FRMD3: variants seen among roughly 807,000 people sequenced by gnomAD.
The protein encoded by FRMD3 is FERM domain-containing protein 3.
In FRMD3, 33 loss-of-function variants were observed where a neutral mutation model predicts 70.2. The observed-to-expected ratio is 0.47, with a 90% CI of 0.36 to 0.63. The LOEUF is 0.63. Ranked by LOEUF, FRMD3 falls within the 20% of genes least tolerant of loss-of-function variation. FRMD3 has a pLI of 0.00. For missense variants in FRMD3, 632 were observed against 711.4 expected (o/e 0.89, Z 1.27); for synonymous variants, 279 against 255.9 (o/e 1.09, Z -0.86).
rs956141163 is a variant in FRMD3 at position 83,303,799 on chromosome 9, C to T, written c.927-4613G>A. 7.9e-5 allele frequency among the ~76,000 whole-genome samples: 12 copies of T among 152,218 alleles called. No homozygotes were observed. The East Asian group carries it at 9.7e-4, about 12-fold the overall frequency. On this transcript the variant is annotated intron_variant, in intron 10 of 13. Transcript: ENST00000304195. Reference sequence around the variant, plus strand: ...TTCATGAAGTTAAAAAAAGAAATTACGAAAATCAATCACCACTATCTAATA... The same window carrying T: ...TTCATGAAGTTAAAAAAAGAAATTATGAAAATCAATCACCACTATCTAATA...
chr9:83,386,289 A>G (rs1439062915), intron 2 of FRMD3, among the ~76,000 whole-genome samples: 1 of 152,208 alleles, frequency 6.6e-6, no homozygotes, highest in Admixed American at 6.5e-5. Context: ...CTCACATCGT[A>G]TCCTCAAAAT....
At chr9:83,539,038 G>T (rs189915503), upstream of FRMD3, among the ~76,000 whole-genome samples, 2 of 152,290 alleles carry the variant, frequency 1.3e-5, no homozygotes, top group South Asian at 2.1e-4. Flanking sequence ...AGCCTTCCAT[G>T]TGCAAATCCT....
At chr9:83,419,550 T>C (rs951844349) in intron 1 of FRMD3, among the ~76,000 whole-genome samples, 1 of 151,442 alleles carries the variant, frequency 6.6e-6, no homozygotes, top group African/African-American at 2.4e-5. Flanking sequence ...GTGTGTGATA[T>C]GTGTGTGTTC....
At chr9:83,461,599 TG>T (rs1467699596) in intron 1 of FRMD3, among the ~76,000 whole-genome samples, 6 of 149,442 alleles carry the variant, frequency 4.0e-5, no homozygotes, top group Non-Finnish European at 5.9e-5. Flanking sequence ...GAAAAGGCCT[TG>T]TGGTATTCAG....
intron 1 of FRMD3, among the ~76,000 whole-genome samples, chr9:83,521,031 C>G (rs954682552): frequency 6.8e-6 from 1 of 148,048 alleles, no homozygotes; most frequent in African/African-American, 2.5e-5. Flanking sequence ...CCCAGCTACT[C>G]AGGAGGCTGA....
chr9:83,395,291 A>C (rs370712196), intron 1 of FRMD3, among the ~76,000 whole-genome samples: 2 of 137,686 alleles, frequency 1.5e-5, no homozygotes, highest in African/African-American at 5.4e-5. Flanking sequence ...AAAAAAAAAA[A>C]GGGAACAAAA....
chr9:83,375,291 T>C (rs1825107323), intron 2 of FRMD3, among the ~76,000 whole-genome samples: 1 of 152,236 alleles, frequency 6.6e-6, no homozygotes, highest in Non-Finnish European at 1.5e-5. Flanking sequence ...ATAAGTTATT[T>C]ACTCTAAATA....
At chr9:83,496,091 C>T (rs150695432) in intron 1 of FRMD3, among the ~76,000 whole-genome samples, 206 of 152,232 alleles carry the variant, frequency 1.4e-3, no homozygotes, top group African/African-American at 4.9e-3. Flanking sequence ...TATTTTACAC[C>T]ATGTGCCTCA....
At chr9:83,383,378 A>G (rs565754688) in intron 2 of FRMD3, among the ~76,000 whole-genome samples, 9 of 152,370 alleles carry the variant, frequency 5.9e-5, no homozygotes, top group Admixed American at 3.3e-4. Context: ...GATCCTCATC[A>G]TTAACCTCCA....
At chr9:83,495,168 A>G (rs576260599) in intron 1 of FRMD3, among the ~76,000 whole-genome samples, 3 of 152,178 alleles carry the variant, frequency 2.0e-5, no homozygotes, top group Non-Finnish European at 4.4e-5. Context: ...AAGGAGCTGA[A>G]GAGACAAAGA....
chr9:83,531,800 G>A (rs1829796907), intron 1 of FRMD3, among the ~76,000 whole-genome samples: 1 of 152,200 alleles, frequency 6.6e-6, no homozygotes, highest in African/African-American at 2.4e-5. Context: ...CTGTATTTGG[G>A]TGATATTTGA....
intron 6 of FRMD3, among the ~76,000 whole-genome samples, chr9:83,316,148 C>CTTTT (rs369641019): frequency 2.9e-4 from 39 of 134,494 alleles, no homozygotes; most frequent in African/African-American, 5.1e-4. Flanking sequence ...TCTTTTTTCT[C>CTTTT]TTTTTTTTTT....
chr9:83,374,961 C>T (rs1187400696), intron 2 of FRMD3, among the ~76,000 whole-genome samples: 1 of 152,184 alleles, frequency 6.6e-6, no homozygotes, highest in Non-Finnish European at 1.5e-5. Flanking sequence ...AGTTATTTTG[C>T]TAATAAAGTC....
the FRMD3 span, among the ~76,000 whole-genome samples, chr9:83,585,593 G>A: frequency 6.6e-6 from 1 of 152,130 alleles, no homozygotes; most frequent in Non-Finnish European, 1.5e-5. Context: ...CAGACTTGAT[G>A]GCTGGAGCTC....
Position 83,247,443 on chromosome 9 carries a change from A to G in FRMD3, c.*475T>C. On this transcript the variant is annotated 3_prime_UTR_variant, in exon 14 of 14. Transcript: ENST00000304195. ...TTTGAACACATAAAAATATTTTTAA[A>G]AAAACAGAACCAAAAACCCAGCATA... is the stretch of plus-strand genomic sequence containing the variant. 1 of 983,336 alleles carries G rather than the reference A, an allele frequency of 1.0e-6. No individual in the cohort carries two copies. The highest frequency in any genetic ancestry group is 6.1e-5 in the Admixed American group (1 of 16,266). The allele number at this position is 983,336 out of a possible 1,614,324, so 60.9% of individuals were successfully genotyped here.
At chr9:83,251,634 G>C (rs149707503) in intron 13 of FRMD3, among the ~76,000 whole-genome samples, 18 of 152,218 alleles carry the variant, frequency 1.2e-4, no homozygotes, top group African/African-American at 2.6e-4. Context: ...TACAATACAG[G>C]GGCTGATAGC....
intron 1 of FRMD3, among the ~76,000 whole-genome samples, chr9:83,464,105 C>A (rs1828051717): frequency 6.6e-6 from 1 of 152,238 alleles, no homozygotes. Flanking sequence ...GGCCATCAGA[C>A]TTCCTGCCAT....
chr9:83,476,144 G>A (rs1828390564), intron 1 of FRMD3, among the ~76,000 whole-genome samples: 1 of 152,182 alleles, frequency 6.6e-6, no homozygotes, highest in African/African-American at 2.4e-5. Context: ...AGCACTTTGG[G>A]AGGCCAAGGC....
At chr9:83,466,551 C>CGT (rs1423864125) in intron 1 of FRMD3, among the ~76,000 whole-genome samples, 1 of 152,212 alleles carries the variant, frequency 6.6e-6, no homozygotes, top group East Asian at 1.9e-4. Context: ...ATGTGCTGAG[C>CGT]GTTTGCCTAA....
Sources: allele counts gnomAD v4.1 joint callset (sites outside exome capture counted in the v4.1 genomes callset), GRCh38; gene constraint gnomAD v4.1.1; transcripts MANE v1.5; gene names NCBI Gene and HGNC (gene_info 2026-07-23, HGNC 2026-07-21).